AGAP1: variants seen among roughly 807,000 people sequenced by gnomAD.
The protein encoded by AGAP1 is ArfGAP with GTPase domain, ankyrin repeat and PH domain 1.
AGAP1 carries 29 observed loss-of-function variants against 105.3 expected under a neutral mutation model. That is an observed-to-expected ratio of 0.28 (90% CI 0.21 to 0.38). The LOEUF is 0.38. Ranked by LOEUF, AGAP1 falls within the 10% of genes least tolerant of loss-of-function variation. The probability of loss-of-function intolerance (pLI) is 1.00; values close to 1 mark genes in which losing one functional copy is unlikely to be tolerated. For synonymous variants in AGAP1, 509 were observed against 485.9 expected, an observed-to-expected ratio of 1.05 and a Z score of -0.63; for missense variants, 998 against 1,165.1, an observed-to-expected ratio of 0.86 and a Z score of 2.09.
At chr2:235,558,163 C>T (rs906958321) in intron 1 of AGAP1, among the ~76,000 whole-genome samples, 2 of 152,138 alleles carry the variant, frequency 1.3e-5, no homozygotes, top group Non-Finnish European at 2.9e-5. Flanking sequence ...GCAGTACACA[C>T]GCACATTTAT....
chr2:236,016,893 A>T (rs1269687151), intron 13 of AGAP1, among the ~76,000 whole-genome samples: 6 of 152,170 alleles, frequency 3.9e-5, no homozygotes. Flanking sequence ...GTCATGTATG[A>T]ATTTTCAATT....
At chr2:235,526,990 T>TTC (rs1488948697) in intron 1 of AGAP1, among the ~76,000 whole-genome samples, 2 of 152,206 alleles carry the variant, frequency 1.3e-5, no homozygotes, top group Non-Finnish European at 2.9e-5. Context: ...TAGTCTTGTT[T>TTC]TTCTTCTGAG....
At chr2:235,804,895 G>C (rs1289478676) in intron 8 of AGAP1, among the ~76,000 whole-genome samples, 2 of 152,180 alleles carry the variant, frequency 1.3e-5, no homozygotes, top group Non-Finnish European at 2.9e-5. Context: ...GCTGCCTTGT[G>C]TCTGATGATT....
intron 13 of AGAP1, among the ~76,000 whole-genome samples, chr2:236,025,338 A>G (rs1366776663): frequency 6.6e-6 from 1 of 151,848 alleles, no homozygotes; most frequent in Non-Finnish European, 1.5e-5. Flanking sequence ...GCTGCCAATT[A>G]CTGTTTTGAT....
intron 12 of AGAP1, among the ~76,000 whole-genome samples, chr2:235,945,820 C>CG (rs151198823): frequency 0.12 from 16,698 of 137,262 alleles, 2,543 homozygotes; most frequent in African/African-American, 0.37. Flanking sequence ...GCTTGGCTTC[C>CG]GGGGGGGTGC....
At chr2:235,603,989 A>T in intron 1 of AGAP1, among the ~76,000 whole-genome samples, 1 of 152,190 alleles carries the variant, frequency 6.6e-6, no homozygotes, top group East Asian at 1.9e-4. Context: ...TTCTTCCAGC[A>T]TCCCCGAGAT....
intron 6 of AGAP1, among the ~76,000 whole-genome samples, chr2:235,766,115 T>G (rs997075349): frequency 2.6e-5 from 4 of 152,224 alleles, no homozygotes; most frequent in Non-Finnish European, 5.9e-5. Context: ...ATTAAAAAAC[T>G]TGGTAGTGAG....
At chr2:235,571,369 C>T (rs548730803) in intron 1 of AGAP1, among the ~76,000 whole-genome samples, 1 of 152,326 alleles carries the variant, frequency 6.6e-6, no homozygotes, top group African/African-American at 2.4e-5. Flanking sequence ...AGTATGGTAG[C>T]CACAGGCCAC....
chr2:235,933,090 G>A (rs2052803055), intron 12 of AGAP1, among the ~76,000 whole-genome samples: 1 of 152,224 alleles, frequency 6.6e-6, no homozygotes, highest in African/African-American at 2.4e-5. Flanking sequence ...GAGGGACATG[G>A]AAGGAGAGCT....
rs534191858 is a variant in AGAP1 at position 235,558,479 on chromosome 2, C to T, written c.163+63630C>T. Among the ~76,000 whole-genome samples, 28 of 152,250 alleles carry T rather than the reference C, an allele frequency of 1.8e-4. No individual in the cohort carries two copies. The South Asian group carries it at 5.8e-3, about 32-fold the overall frequency. On this transcript the variant is annotated intron_variant, in intron 1 of 17. Coordinates refer to ENST00000304032, the MANE Select transcript of AGAP1 (RefSeq NM_001037131.3). ...CTGACCTCTCAAGCCCTTGAAAATA[C>T]TCAGAGCTTTTCCAGAATGTTCTCA...
In AGAP1 at chr2:235,790,406, C is replaced by A. The variant is rs72983022; in HGVS notation, c.674-7353C>A. Among the ~76,000 whole-genome samples the A allele has an allele frequency of 5.0e-3, 756 of 152,208 alleles. 2 individuals carry two copies. The highest frequency in any genetic ancestry group is 8.7e-3 in the Admixed American group (133 of 15,294). On this transcript the variant is annotated intron_variant, in intron 6 of 17. Transcript: ENST00000304032. ...AAATATATGTGTGCTTCTCGGGAAA[C>A]CGCTGGAACCAGGCTGCTGAGTTCA...
In AGAP1 at chr2:235,552,189, C is replaced by T. The variant is rs146327420; in HGVS notation, c.163+57340C>T. 3.9e-5 allele frequency among the ~76,000 whole-genome samples: 6 copies of T among 152,226 alleles called. No individual in the cohort carries two copies. In the East Asian group the frequency reaches 5.8e-4, roughly 15 times the overall value. On this transcript the variant is annotated intron_variant, in intron 1 of 17. Transcript: ENST00000304032. The surrounding 1 kb of genome is among the most constrained non-coding windows in gnomAD (Gnocchi z 5.9). The stretch of plus-strand genomic sequence containing the variant: ...GTTCATTGCCCCGTAACTCTGGCCG[C>T]GGTAGTCTGGACAGGGCTTCTGAGA...
rs1435822552 is a variant in AGAP1, at chr2:236,058,513, C to A, written c.2114+9232C>A. On this transcript the variant is annotated intron_variant, in intron 16 of 17. Transcript: ENST00000304032. The surrounding 1 kb of genome is among the most constrained non-coding windows in gnomAD (Gnocchi z 4.6). The stretch of plus-strand genomic sequence containing the variant: ...CAAGGGATACAGAAAATACATTTGA[C>A]AAAACCACGTGCCCTTTCATGGTAA... Among the ~76,000 whole-genome samples the A allele has an allele frequency of 6.6e-6, 1 of 152,158 alleles. No homozygotes were observed. The highest frequency in any genetic ancestry group is 1.5e-5 in the Non-Finnish European group (1 of 68,022).
intron 9 of AGAP1, among the ~76,000 whole-genome samples, chr2:235,878,941 G>T (rs547625679): frequency 6.6e-6 from 1 of 152,226 alleles, no homozygotes; most frequent in African/African-American, 2.4e-5. Flanking sequence ...GCTTTGGAAG[G>T]GGGAGCTGAA....
At chr2:235,832,267 G>A (rs79070804) in intron 9 of AGAP1, among the ~76,000 whole-genome samples, 7,796 of 152,006 alleles carry the variant, frequency 0.051, 633 homozygotes, top group African/African-American at 0.17. Flanking sequence ...TTGTCTTCTC[G>A]TTTTCTTGAT....
chr2:236,072,926 G>T (rs769133465), intron 16 of AGAP1, among the ~76,000 whole-genome samples: 1 of 151,984 alleles, frequency 6.6e-6, no homozygotes, highest in Non-Finnish European at 1.5e-5. Context: ...TAATAATGTA[G>T]TTAACCCAGT....
In AGAP1 at chr2:235,864,069, G is replaced by A. The variant is rs2049046477; in HGVS notation, c.1051-19276G>A. ...TGGTGTGCTCGGTTTTGACTCTATA[G>A]ATCTGACTTGAATGCGCAAGCGGGC... On this transcript the variant is annotated intron_variant, in intron 9 of 17. Transcript: ENST00000304032. The surrounding 1 kb of genome is among the most constrained non-coding windows in gnomAD (Gnocchi z 5.0). Among the ~76,000 whole-genome samples, 1 of 152,204 alleles carries A rather than the reference G, an allele frequency of 6.6e-6. No individual in the cohort carries two copies. Among genetic ancestry groups the A allele is most frequent in the Admixed American group, 6.5e-5 (1 of 15,274 alleles).
chr2:235,865,283 T>C lies in AGAP1; in HGVS notation c.1051-18062T>C, dbSNP rs1351032526. On this transcript the variant is annotated intron_variant, in intron 9 of 17. Coordinates refer to ENST00000304032, the MANE Select transcript of AGAP1 (RefSeq NM_001037131.3). The surrounding 1 kb of genome is among the most constrained non-coding windows in gnomAD (Gnocchi z 6.2). ...GCGCTTTGAAGCCTGTGCTGTGCGA[T>C]TTTCTCAGCAGTGAGGTAGGAATAG... 6.6e-6 allele frequency among the ~76,000 whole-genome samples: 1 copy of C among 152,144 alleles called. No individual in the cohort carries two copies. Among genetic ancestry groups the C allele is most frequent in the Non-Finnish European group, 1.5e-5 (1 of 68,020 alleles).
chr2:235,770,125 C>G (rs145686774), intron 6 of AGAP1, among the ~76,000 whole-genome samples: 1 of 110,660 alleles, frequency 9.0e-6, no homozygotes, highest in Non-Finnish European at 2.1e-5. Flanking sequence ...TTTTTTCTTT[C>G]TTTGTTTCTT....
Sources: gnomAD v4.1 joint callset for allele counts (sites outside exome capture counted in the v4.1 genomes callset) on GRCh38, gnomAD v4.1.1 for gene constraint, Gnocchi (gnomAD v3.1) non-coding constraint, MANE v1.5 for transcripts, NCBI Gene and HGNC (gene_info 2026-07-23, HGNC 2026-07-21) for gene names.